CYFIP1: variants seen among roughly 807,000 people sequenced by gnomAD.
CYFIP1 encodes cytoplasmic FMR1 interacting protein 1, also known as cytoplasmic FMR1-interacting protein 1.
In CYFIP1, 58 loss-of-function variants were observed where a neutral mutation model predicts 163.5. The ratio of observed to expected loss-of-function variants is 0.35; its 90% CI spans 0.29 to 0.44. CYFIP1 has a LOEUF of 0.44. CYFIP1 is among the 20% of genes least tolerant of loss of function. The pLI, the probability that CYFIP1 is intolerant of heterozygous loss-of-function variation, is 1.00. For synonymous variants in CYFIP1, 663 were observed against 660.7 expected (o/e 1.00, Z -0.05); for missense variants, 1,338 against 1,653.8 (o/e 0.81, Z 3.31).
chr15:22,949,507 G>A (rs895134167), intron 1 of CYFIP1, among the ~76,000 whole-genome samples: 1 of 152,206 alleles, frequency 6.6e-6, no homozygotes, highest in African/African-American at 2.4e-5. Context: ...GCAGTAGGCA[G>A]GCTAAGCGGC....
At chr15:22,881,337 T>G (rs1174356398) in intron 25 of CYFIP1, among the ~76,000 whole-genome samples, 1 of 152,218 alleles carries the variant, frequency 6.6e-6, no homozygotes, top group Non-Finnish European at 1.5e-5. Context: ...CATACAATTT[T>G]ATGAGACAAT....
chr15:22,877,463 G>C (rs1456407600), intron 26 of CYFIP1, among the ~76,000 whole-genome samples: 2 of 152,202 alleles, frequency 1.3e-5, no homozygotes, highest in African/African-American at 4.8e-5. Flanking sequence ...CGCGCCTTAT[G>C]CTGTAAGTTC....
chr15:22,939,331 G>A lies in CYFIP1; in HGVS notation c.667-11C>T, dbSNP rs1287925193. The A allele has an allele frequency of 6.2e-7, 1 of 1,614,020 alleles. No individual in the cohort carries two copies. Among genetic ancestry groups the A allele is most frequent in the African/African-American group, 1.3e-5 (1 of 74,912 alleles). On this transcript the variant is annotated splice_polypyrimidine_tract_variant and intron_variant, in intron 7 of 30. Coordinates refer to ENST00000617928, the MANE Select transcript of CYFIP1 (RefSeq NM_014608.6). ...CTGCTGCTGCAGAGACTGAAACACAGAGCAAGAGACTCATGCATGGGCCCG... is the reference window on the plus strand; with the variant it reads ...CTGCTGCTGCAGAGACTGAAACACAAAGCAAGAGACTCATGCATGGGCCCG...
chr15:22,873,304 C>T (rs1436486617), intron 29 of CYFIP1, among the ~76,000 whole-genome samples, 187 bp downstream of exon 29: 2 of 152,132 alleles, frequency 1.3e-5, no homozygotes, highest in Non-Finnish European at 2.9e-5. Flanking sequence ...TCCCTGAATA[C>T]TAGAGTCCTG....
chr15:22,880,151 T>C, intron 25 of CYFIP1, 108 bp from the exon 26 acceptor site: 1 of 1,466,080 alleles, frequency 6.8e-7, no homozygotes. Flanking sequence ...CCATCAAGCC[T>C]GGCTATAAGG....
chr15:22,954,634 A>C (rs1167291691), intron 1 of CYFIP1, among the ~76,000 whole-genome samples: 7 of 152,204 alleles, frequency 4.6e-5, no homozygotes. Flanking sequence ...GTCATTGAAC[A>C]ACATAAAGAG....
chr15:22,889,825 C>G, intron 23 of CYFIP1, among the ~76,000 whole-genome samples: 2 of 152,264 alleles, frequency 1.3e-5, no homozygotes, highest in South Asian at 4.1e-4. Context: ...TCTTTTAGTT[C>G]ACAGAGACCC....
At chr15:22,956,508 G>A (rs543066934) in intron 1 of CYFIP1, among the ~76,000 whole-genome samples, 16 of 152,304 alleles carry the variant, frequency 1.1e-4, no homozygotes, top group African/African-American at 3.9e-4. Context: ...ATGTGTGTGA[G>A]TGTGTGTGTC....
intron 16 of CYFIP1, 142 bp downstream of exon 16, chr15:22,916,335 C>G: frequency 1.5e-6 from 1 of 671,710 alleles, no homozygotes; most frequent in Non-Finnish European, 2.5e-6. Flanking sequence ...CGTACAGCCA[C>G]CGCCACAGAG....
At chr15:22,889,552 C>T (rs2060013040) in intron 23 of CYFIP1, among the ~76,000 whole-genome samples, 1 of 152,180 alleles carries the variant, frequency 6.6e-6, no homozygotes, top group Non-Finnish European at 1.5e-5. Context: ...TCTCAAAAAC[C>T]AACCCCACGA....
chr15:22,951,641 C>A (rs1354987567), intron 1 of CYFIP1: 30 of 1,034,246 alleles, frequency 2.9e-5, no homozygotes, highest in Non-Finnish European at 3.6e-5. Context: ...GGGCCCCACG[C>A]GGGTCAACAA....
At chr15:22,940,723 C>G (rs2061869356) in intron 6 of CYFIP1, among the ~76,000 whole-genome samples, 1 of 152,240 alleles carries the variant, frequency 6.6e-6, no homozygotes, top group Non-Finnish European at 1.5e-5. Context: ...TTAACTGATA[C>G]AGTAACATTC....
At chr15:22,974,517 C>G (rs1034992919) in intron 1 of CYFIP1, among the ~76,000 whole-genome samples, 1 of 152,164 alleles carries the variant, frequency 6.6e-6, no homozygotes, top group Non-Finnish European at 1.5e-5. Context: ...CACTTGAGGC[C>G]AGGAGTTCGA....
At position 22,868,453 on chromosome 15, in the gene CYFIP1, A is replaced by AACTT. The variant is rs1388076822; in HGVS notation, c.*1571_*1574dup. On this transcript the variant is annotated 3_prime_UTR_variant, in exon 31 of 31. Transcript: ENST00000617928. Reference sequence around the variant, plus strand: ...TTTGGTATATAATTAAGCCTTATAAAACTTGGTAATTGATTAAGTTTTACC... The same window carrying AACTT: ...TTTGGTATATAATTAAGCCTTATAAAACTTACTTGGTAATTGATTAAGTTTTACC... 5.3e-5 allele frequency: 8 copies of AACTT among 151,758 alleles called. No individual in the cohort carries two copies. The East Asian group carries it at 9.6e-4, about 18-fold the overall frequency. The allele number at this position is 151,758 out of a possible 1,614,324, so 9.4% of individuals were successfully genotyped here.
Position 22,917,678 on chromosome 15 carries a change from G to T in CYFIP1, c.1674+110C>A. 1 of 1,275,588 alleles carries T rather than the reference G, an allele frequency of 7.8e-7. No individual in the cohort carries two copies. The highest frequency in any genetic ancestry group is 1.1e-6 in the Non-Finnish European group (1 of 951,828). 79.0% of individuals were successfully genotyped at this position (1,275,588 alleles called of 1,614,324 possible). On this transcript the variant is annotated intron_variant, in intron 15 of 30. Transcript: ENST00000617928. The surrounding 1 kb of genome is among the most constrained non-coding windows in gnomAD (Gnocchi z 4.2). ...CACAGGCGCCACTTTCTCTGCCTGA[G>T]CAGGCAGCGAGGACCTCATTTAACC...
At chr15:22,877,364 C>A (rs1182504150) in intron 26 of CYFIP1, among the ~76,000 whole-genome samples, 1 of 152,088 alleles carries the variant, frequency 6.6e-6, no homozygotes, top group African/African-American at 2.4e-5. Context: ...GAGTCATGAG[C>A]CAAATAAACT....
intron 21 of CYFIP1, among the ~76,000 whole-genome samples, chr15:22,907,866 G>A (rs1261812343): frequency 1.3e-5 from 2 of 152,146 alleles, no homozygotes; most frequent in Non-Finnish European, 2.9e-5. Flanking sequence ...GTGGCAGGCC[G>A]GTGTCTTCTG....
At chr15:22,925,588 A>C (rs2061331670) in intron 13 of CYFIP1, among the ~76,000 whole-genome samples, 2 of 152,242 alleles carry the variant, frequency 1.3e-5, no homozygotes. Flanking sequence ...GCTATGAAAG[A>C]AAAGATACCA....
At chr15:22,889,091 T>C (rs1480484392) in intron 23 of CYFIP1, among the ~76,000 whole-genome samples, 1 of 151,658 alleles carries the variant, frequency 6.6e-6, no homozygotes, top group Non-Finnish European at 1.5e-5. Context: ...AACCATGTAC[T>C]AGCTTAGGTT....
Sources: gnomAD v4.1 joint callset for allele counts (sites outside exome capture counted in the v4.1 genomes callset) on GRCh38, gnomAD v4.1.1 for gene constraint, Gnocchi (gnomAD v3.1) non-coding constraint, MANE v1.5 for transcripts, NCBI Gene and HGNC (gene_info 2026-07-23, HGNC 2026-07-21) for gene names.